The following CYP4Z1 variants were observed in gnomAD, a reference collection of about 807,000 sequenced individuals.
The protein encoded by CYP4Z1 is cytochrome P450 4Z1.
In CYP4Z1, 41 loss-of-function variants were observed where a neutral mutation model predicts 54.2. The ratio of observed to expected loss-of-function variants is 0.76; its 90% CI spans 0.59 to 0.98. The LOEUF is 0.98. Among genes scored for constraint, CYP4Z1 ranks in the 50% least tolerant of loss-of-function variants. The pLI is 0.00. For synonymous variants in CYP4Z1, 163 were observed against 206.2 expected (o/e 0.79, Z 1.79); for missense variants, 513 against 599.0 (o/e 0.86, Z 1.50).
At chr1:47,068,568 G>T (rs1279921068) in intron 1 of CYP4Z1, 54 bp from the exon 2 acceptor site, 4 of 1,597,260 alleles carry the variant, frequency 2.5e-6, no homozygotes, top group Non-Finnish European at 3.4e-6. Flanking sequence ...GAGGGAAAGG[G>T]GTCCTCCTGG....
the CYP4Z1 span, among the ~76,000 whole-genome samples, chr1:47,059,192 A>G: frequency 6.6e-6 from 1 of 152,196 alleles, no homozygotes; most frequent in Non-Finnish European, 1.5e-5. Flanking sequence ...TTTATTAACA[A>G]TTTTATACTT....
chr1:47,089,056 G>A (rs1196074000), intron 6 of CYP4Z1, among the ~76,000 whole-genome samples: 1 of 149,634 alleles, frequency 6.7e-6, no homozygotes, highest in Non-Finnish European at 1.5e-5. Flanking sequence ...AACATGCCGT[G>A]TAACTATTTG....
At chr1:47,114,324 C>T (rs1216440480) in intron 9 of CYP4Z1, among the ~76,000 whole-genome samples, 2 of 152,068 alleles carry the variant, frequency 1.3e-5, no homozygotes, top group Non-Finnish European at 2.9e-5. Context: ...AAATGTTAGA[C>T]CTAAAACCAT....
intron 6 of CYP4Z1, among the ~76,000 whole-genome samples, chr1:47,085,771 G>A (rs1043602525): frequency 6.6e-6 from 1 of 151,292 alleles, no homozygotes; most frequent in African/African-American, 2.4e-5. Context: ...GTATACATGT[G>A]CCATATTGAT....
chr1:47,058,045 A>G, the CYP4Z1 span, among the ~76,000 whole-genome samples: 2 of 151,916 alleles, frequency 1.3e-5, no homozygotes, highest in Admixed American at 6.6e-5. Context: ...TAAAAAAACT[A>G]TTTATCAAAA....
At chr1:47,091,639 T>C (rs183895795) in intron 6 of CYP4Z1, among the ~76,000 whole-genome samples, 12,580 of 148,954 alleles carry the variant, frequency 0.084, 1,525 homozygotes, top group African/African-American at 0.27. Flanking sequence ...TCCTGCCTTA[T>C]GTACTTCTTG....
rs1314743840 is a variant in CYP4Z1 at position 47,084,988 on chromosome 1, G to C, written c.772+10G>C. On this transcript the variant is annotated intron_variant, in intron 6 of 11. Coordinates refer to ENST00000334194, the MANE Select transcript of CYP4Z1 (RefSeq NM_178134.3). ...CTTCATCAGTTCACAGGTTAGTCCTGGGATTTACATGGCCAGAGTCCACTA... is the reference window on the plus strand; with the variant it reads ...CTTCATCAGTTCACAGGTTAGTCCTCGGATTTACATGGCCAGAGTCCACTA... The C allele has an allele frequency of 3.3e-6, 4 of 1,217,358 alleles. No homozygotes were observed. In the Admixed American group the frequency reaches 9.8e-5, roughly 30 times the overall value. The allele number at this position is 1,217,358 out of a possible 1,614,324, so 75.4% of individuals were successfully genotyped here. A position where few individuals can be genotyped will look rare whatever the true frequency, so the allele number is the denominator to read the frequency against.
intron 2 of CYP4Z1, among the ~76,000 whole-genome samples, chr1:47,077,800 T>C: frequency 6.6e-6 from 1 of 151,900 alleles, no homozygotes; most frequent in Non-Finnish European, 1.5e-5. Context: ...TTTTCTTTTG[T>C]ATAGACAAGG....
At chr1:47,095,922 G>A (rs1332643020) in intron 7 of CYP4Z1, among the ~76,000 whole-genome samples, 7 of 152,114 alleles carry the variant, frequency 4.6e-5, no homozygotes, top group Admixed American at 4.6e-4. Flanking sequence ...AATACTCTGT[G>A]AGGGACCAAA....
At chr1:47,110,696 T>C (rs1644786899) in intron 9 of CYP4Z1, among the ~76,000 whole-genome samples, 1 of 151,970 alleles carries the variant, frequency 6.6e-6, no homozygotes, top group South Asian at 2.1e-4. Context: ...TGGTGAGACT[T>C]CCAGAAACCA....
In CYP4Z1 at chr1:47,082,319, C is replaced by T. The variant is rs780339548; in HGVS notation, c.365-15C>T. The T allele has an allele frequency of 2.4e-5, 38 of 1,586,398 alleles. No individual in the cohort carries two copies. The highest frequency in any genetic ancestry group is 2.7e-5 in the Non-Finnish European group (32 of 1,167,734). Reference sequence around the variant, plus strand: ...TGGCCTCTGATAGAAACAGTTGCCCCTCTCATTTCATAAGGTCGAGGACTT... The same window carrying T: ...TGGCCTCTGATAGAAACAGTTGCCCTTCTCATTTCATAAGGTCGAGGACTT... On this transcript the variant is annotated splice_polypyrimidine_tract_variant and intron_variant, in intron 3 of 11. Coordinates refer to ENST00000334194, the MANE Select transcript of CYP4Z1 (RefSeq NM_178134.3).
the CYP4Z1 span, among the ~76,000 whole-genome samples, chr1:47,059,028 T>G: frequency 1.2e-3 from 179 of 152,320 alleles, no homozygotes; most frequent in Middle Eastern, 6.8e-3. Context: ...GGATAAAGGC[T>G]AATATAATAC....
intron 2 of CYP4Z1, among the ~76,000 whole-genome samples, chr1:47,074,133 G>A (rs1247309869): frequency 3.9e-5 from 6 of 152,162 alleles, no homozygotes; most frequent in Admixed American, 2.6e-4. Context: ...TAAAGTAGGG[G>A]CATTTGTTTA....
intron 6 of CYP4Z1, among the ~76,000 whole-genome samples, chr1:47,087,260 C>T (rs1644603178): frequency 6.6e-6 from 1 of 152,110 alleles, no homozygotes; most frequent in Admixed American, 6.5e-5. Context: ...ATGGGGATGG[C>T]ATTGAATGTA....
intron 2 of CYP4Z1, among the ~76,000 whole-genome samples, chr1:47,076,896 T>C (rs866161030): frequency 1.3e-5 from 2 of 151,034 alleles, no homozygotes; most frequent in Admixed American, 1.3e-4. Flanking sequence ...TTTTGTGAAT[T>C]TTCCCGTTTT....
Position 47,094,603 on chromosome 1 carries a change from T to G in CYP4Z1, c.810T>G (p.Asp270Glu). Residue 270 changes from aspartate (D) to glutamate (E), a missense_variant, in exon 7 of 12, where the codon GAT becomes GAG. Physicochemically the swap from Asp to Glu is conservative, Grantham distance 45. Coordinates refer to ENST00000334194, the MANE Select transcript of CYP4Z1 (RefSeq NM_178134.3). Reference protein sequence around the residue: ...VIQDRKESLKDKLKQDTTQKR... With the variant: ...VIQDRKESLKEKLKQDTTQKR... ...AGGACCGGAAGGAGTCTCTTAAGGA[T>G]AAGCTAAAACAAGATACTACTCAGA... The G allele has an allele frequency of 6.2e-7, 1 of 1,608,974 alleles. No homozygotes were observed. Among genetic ancestry groups the G allele is most frequent in the Non-Finnish European group, 8.5e-7 (1 of 1,178,468 alleles).
At chr1:47,061,040 A>G in the CYP4Z1 span, among the ~76,000 whole-genome samples, 1 of 152,246 alleles carries the variant, frequency 6.6e-6, no homozygotes, top group African/African-American at 2.4e-5. Context: ...TCTCTGGGAC[A>G]GAACTAACAG....
chr1:47,110,238 T>G (rs1028204841), intron 9 of CYP4Z1, among the ~76,000 whole-genome samples: 1 of 150,108 alleles, frequency 6.7e-6, no homozygotes, highest in African/African-American at 2.5e-5. Flanking sequence ...AAAATGGGTG[T>G]TCCATGAAAT....
chr1:47,082,584 T>C lies in CYP4Z1; in HGVS notation c.492+123T>C, dbSNP rs1250966605. The C allele has an allele frequency of 2.8e-6, 4 of 1,409,962 alleles. No individual in the cohort carries two copies. In the East Asian group the frequency reaches 9.6e-5, roughly 34 times the overall value. 87.3% of individuals were successfully genotyped at this position (1,409,962 alleles called of 1,614,324 possible). A position where few individuals can be genotyped will look rare whatever the true frequency, so the allele number is the denominator to read the frequency against. On this transcript the variant is annotated intron_variant, in intron 4 of 11. Transcript: ENST00000334194. ...CAGCAGTTTATATGGGGTTATTTGA[T>C]GTTTAGACCATGACCATCATCATCA...
Sources: gnomAD v4.1 joint callset for allele counts (sites outside exome capture counted in the v4.1 genomes callset) on GRCh38, gnomAD v4.1.1 for gene constraint, MANE v1.5 for transcripts, NCBI Gene and HGNC (gene_info 2026-07-23, HGNC 2026-07-21) for gene names.